The following ATRN variants were observed in gnomAD, a reference collection of about 807,000 sequenced individuals.
ATRN encodes attractin, also known as attractin-2.
ATRN carries 54 observed loss-of-function variants against 178.7 expected under a neutral mutation model. The observed-to-expected ratio is 0.30, with a 90% confidence interval of 0.24 to 0.38. ATRN has a LOEUF of 0.38. Ranked by LOEUF, ATRN falls within the 10% of genes least tolerant of loss-of-function variation. The pLI, the probability that ATRN is intolerant of heterozygous loss-of-function variation, is 1.00. For missense variants in ATRN, 1,443 were observed against 1,815.1 expected (o/e 0.79, Z 3.73); for synonymous variants, 636 against 663.0 (o/e 0.96, Z 0.63).
chr20:3,508,405 C>T (rs1382320550), intron 1 of ATRN, among the ~76,000 whole-genome samples: 5 of 152,136 alleles, frequency 3.3e-5, no homozygotes, highest in Admixed American at 3.3e-4. Flanking sequence ...TGTAAGATCT[C>T]TGCCACAGCT....
chr20:3,528,324 G>A (rs1026626365), intron 1 of ATRN, among the ~76,000 whole-genome samples: 1 of 151,336 alleles, frequency 6.6e-6, no homozygotes, highest in Non-Finnish European at 1.5e-5. Flanking sequence ...CCGAGATTGC[G>A]CCATTGCACT....
chr20:3,534,839 G>T (rs1258595294), intron 1 of ATRN, among the ~76,000 whole-genome samples: 1 of 152,054 alleles, frequency 6.6e-6, no homozygotes, highest in African/African-American at 2.4e-5. Flanking sequence ...GGGTGTGAGG[G>T]CTCAAGCCTG....
intron 7 of ATRN, 49 bp downstream of exon 7, chr20:3,559,532 T>G (rs746700240): frequency 6.9e-7 from 1 of 1,458,762 alleles, no homozygotes; most frequent in Admixed American, 1.7e-5. Flanking sequence ...TTTTCCTCAG[T>G]TACTTCATGT....
chr20:3,495,370 CAA>C lies in ATRN; in HGVS notation c.410+23854_410+23855del, dbSNP rs540653430. ...CACCAATGCAGTGCTGGATTCCACT[CAA>C]GAGGGGTTTGTGTTAGGGCCACATC... On this transcript the variant is annotated intron_variant, in intron 1 of 28. Transcript: ENST00000262919. Among the ~76,000 whole-genome samples, 29 of 152,236 alleles carry C rather than the reference CAA, an allele frequency of 1.9e-4. No individual in the cohort carries two copies. In the South Asian group the frequency reaches 4.2e-3, roughly 22 times the overall value.
intron 1 of ATRN, among the ~76,000 whole-genome samples, chr20:3,512,107 A>ATTTTTTTTTTT (rs755934394): frequency 3.8e-5 from 4 of 106,392 alleles, no homozygotes; most frequent in Admixed American, 9.7e-5. Context: ...ATATATATAT[A>ATTTTTTTTTTT]TTTTTTTTTT....
In ATRN at chr20:3,534,238, A is replaced by G. The variant is rs149433759; in HGVS notation, c.411-1015A>G. Among the ~76,000 whole-genome samples the G allele has an allele frequency of 3.3e-5, 5 of 152,308 alleles. No individual in the cohort carries two copies. In the East Asian group the frequency reaches 7.7e-4, roughly 24 times the overall value. ...TGAACAGTGAAGAAATGATAGTTCA[A>G]TGGATTGGTGGTCTCCATGGGGCCA... On this transcript the variant is annotated intron_variant, in intron 1 of 28. Coordinates refer to ENST00000262919, the MANE Select transcript of ATRN (RefSeq NM_139321.3).
chr20:3,626,808 A>C (rs2086944616), intron 25 of ATRN, among the ~76,000 whole-genome samples: 2 of 104,280 alleles, frequency 1.9e-5, no homozygotes, highest in South Asian at 5.4e-4. Flanking sequence ...TTTGAAACTT[A>C]GTCTCTCTCT....
At chr20:3,572,210 CATTTTT>C (rs2086135442) in intron 11 of ATRN, among the ~76,000 whole-genome samples, 1 of 152,056 alleles carries the variant, frequency 6.6e-6, no homozygotes, top group East Asian at 1.9e-4. Flanking sequence ...TAAATTTGTA[CATTTTT>C]ATTTTTAATA....
At chr20:3,530,098 A>C (rs151530) in intron 1 of ATRN, among the ~76,000 whole-genome samples, 40,354 of 151,182 alleles carry the variant, frequency 0.27, 5,939 homozygotes, top group African/African-American at 0.33. Flanking sequence ...TGGATTGTTA[A>C]CATCATAAAA....
chr20:3,482,214 G>A (rs1014278837), intron 1 of ATRN, among the ~76,000 whole-genome samples: 9 of 151,060 alleles, frequency 6.0e-5, no homozygotes, highest in Admixed American at 1.3e-4. Context: ...TATTTAAAAC[G>A]TGGTGCATAT....
At position 3,616,843 on chromosome 20, in the gene ATRN, G is replaced by GGACC. The variant is rs2086851723; in HGVS notation, c.3802-7667_3802-7664dup. Reference sequence around the variant, plus strand: ...TTCTTGTGTAGAAACCCAGGGAAGGGGACCATCTGATGACACACATCCCAT... The same window carrying GGACC: ...TTCTTGTGTAGAAACCCAGGGAAGGGGACCGACCATCTGATGACACACATCCCAT... On this transcript the variant is annotated intron_variant, in intron 24 of 28. Transcript: ENST00000262919. Among the ~76,000 whole-genome samples, 4 of 152,108 alleles carry GGACC rather than the reference G, an allele frequency of 2.6e-5. 1 individual carries two copies. Among genetic ancestry groups the GGACC allele is most frequent in the Non-Finnish European group, 2.9e-5 (2 of 67,970 alleles).
chr20:3,530,295 GCT>G (rs2085434628), intron 1 of ATRN, among the ~76,000 whole-genome samples: 1 of 148,890 alleles, frequency 6.7e-6, no homozygotes, highest in South Asian at 2.1e-4. Flanking sequence ...ACAGAGTTTT[GCT>G]CTTTCTCCCA....
At chr20:3,482,038 A>C (rs540606097) in intron 1 of ATRN, among the ~76,000 whole-genome samples, 3 of 151,928 alleles carry the variant, frequency 2.0e-5, no homozygotes, top group Non-Finnish European at 4.4e-5. Flanking sequence ...AAAAATGTAT[A>C]ATCTTATGGA....
intron 1 of ATRN, among the ~76,000 whole-genome samples, chr20:3,510,981 T>G (rs1163529890): frequency 6.6e-6 from 1 of 152,212 alleles, no homozygotes; most frequent in Non-Finnish European, 1.5e-5. Flanking sequence ...AACATTGCAC[T>G]ATATAGTTTC....
rs753739752 is a variant in ATRN, at chr20:3,575,885, C to T, written c.2151C>T (p.Thr717=). 5 of 1,614,128 alleles carry T rather than the reference C, an allele frequency of 3.1e-6. No homozygotes were observed. Among genetic ancestry groups the T allele is most frequent in the Non-Finnish European group, 4.2e-6 (5 of 1,180,012 alleles). Residue 717 remains threonine, a synonymous_variant, in exon 13 of 29, where the codon ACC becomes ACT. Transcript: ENST00000262919. ...HTDCYSCTAN[T]NDCHWCNDHC... ...ATTGTTACAGCTGCACAGCCAACACCAATGACTGCCACTGGTGCAATGACC... is the reference window on the plus strand; with the variant it reads ...ATTGTTACAGCTGCACAGCCAACACTAATGACTGCCACTGGTGCAATGACC...
intron 11 of ATRN, among the ~76,000 whole-genome samples, chr20:3,565,814 AAAAAAAG>A (rs2086026856): frequency 6.6e-6 from 1 of 151,740 alleles, no homozygotes; most frequent in Non-Finnish European, 1.5e-5. Context: ...AAAAAAAAAA[AAAAAAAG>A]AGAAAAGTAA....
intron 6 of ATRN, among the ~76,000 whole-genome samples, chr20:3,551,969 G>T (rs1240296393): frequency 1.3e-5 from 2 of 152,194 alleles, no homozygotes; most frequent in Non-Finnish European, 2.9e-5. Context: ...AATATGGCTA[G>T]TGTGACTTAG....
rs2087098875 is a variant in ATRN at position 3,645,292 on chromosome 20, A to G, written c.4165+1024A>G. Among the ~76,000 whole-genome samples, 1 of 152,180 alleles carries G rather than the reference A, an allele frequency of 6.6e-6. No individual in the cohort carries two copies. The highest frequency in any genetic ancestry group is 1.5e-5 in the Non-Finnish European group (1 of 68,032). ...GAAGATCCTCCAGCCCAGCTTTAGA[A>G]TGGTTAGGATCTATAGTATCTTCAC... On this transcript the variant is annotated intron_variant, in intron 28 of 28. Coordinates refer to ENST00000262919, the MANE Select transcript of ATRN (RefSeq NM_139321.3). This position sits in a 1 kb window ranked among gnomAD's most constrained non-coding sequence, Gnocchi z 4.7.
Position 3,576,974 on chromosome 20 carries a change from A to G in ATRN, c.2330A>G (p.Asn777Ser). Residue 777 changes from asparagine (N) to serine (S), a missense_variant, in exon 14 of 29, where the codon AAT becomes AGT. Physicochemically the swap from Asn to Ser is conservative, Grantham distance 46. Around this residue, in one of 4 missense-constraint regions of ATRN, gnomAD observed 212 missense variants for 330.7 expected, o/e 0.64. Transcript: ENST00000262919. Reference sequence around the variant, plus strand: ...CAGAACTGCCAGTGGGAGCCCCGGAATCAGGAGTGCATTGCCCTGCCCGGT... The same window carrying G: ...CAGAACTGCCAGTGGGAGCCCCGGAGTCAGGAGTGCATTGCCCTGCCCGGT... ...LDQNCQWEPR[N>S]QECIALPENI... is the part of the protein sequence containing the mutation. The G allele has an allele frequency of 6.2e-7, 1 of 1,614,020 alleles. No homozygotes were observed. The highest frequency in any genetic ancestry group is 8.5e-7 in the Non-Finnish European group (1 of 1,179,982).
Sources: allele counts gnomAD v4.1 joint callset (sites outside exome capture counted in the v4.1 genomes callset), GRCh38; gene constraint gnomAD v4.1.1; regional missense constraint gnomAD v4.1.1; non-coding constraint Gnocchi (gnomAD v3.1); transcripts MANE v1.5; gene names NCBI Gene and HGNC (gene_info 2026-07-23, HGNC 2026-07-21).